Variants in ACACA observed in about 807,000 individuals in gnomAD.
The protein encoded by ACACA is acetyl-CoA carboxylase 1.
ACACA carries 103 observed loss-of-function variants against 296.1 expected under a neutral mutation model. The observed-to-expected ratio is 0.35, with a 90% CI of 0.30 to 0.41. ACACA has a LOEUF of 0.41. Ranked by LOEUF, ACACA falls within the 10% of genes least tolerant of loss-of-function variation. The pLI, the probability that ACACA is intolerant of heterozygous loss-of-function variation, is 1.00. For missense variants in ACACA, 1,554 were observed against 2,989.7 expected (o/e 0.52, Z 11.20); for synonymous variants, 953 against 1,038.6 (o/e 0.92, Z 1.58).
chr17:37,377,870 C>A (rs748569828), intron 1 of ACACA: 113 of 1,605,792 alleles, frequency 7.0e-5, no homozygotes, highest in East Asian at 1.8e-4. Context: ...CCCCTCTGCT[C>A]ACCCCCAGAC....
chr17:37,086,831 G>A lies in ACACA; in HGVS notation c.*485C>T, dbSNP rs751985413. On this transcript the variant is annotated 3_prime_UTR_variant, in exon 56 of 56. Coordinates refer to ENST00000616317, the MANE Select transcript of ACACA (RefSeq NM_198834.3). ...CCTACTGTGTGCTGGGCTAAGAGTC[G>A]GGGTAATAAACAATGGACTTGAGGC... The A allele has an allele frequency of 1.4e-5, 3 of 217,712 alleles. No homozygotes were observed. Among genetic ancestry groups the A allele is most frequent in the Admixed American group, 5.2e-5 (1 of 19,310 alleles). 13.5% of individuals were successfully genotyped at this position (217,712 alleles called of 1,614,324 possible). A position where few individuals can be genotyped will look rare whatever the true frequency, so the allele number is the denominator to read the frequency against.
rs1218895976 is a variant in ACACA at position 37,097,350 on chromosome 17, C to T, written c.6721-184G>A. 6.6e-6 allele frequency among the ~76,000 whole-genome samples: 1 copy of T among 152,202 alleles called. No individual in the cohort carries two copies. Among genetic ancestry groups the T allele is most frequent in the Non-Finnish European group, 1.5e-5 (1 of 68,040 alleles). On this transcript the variant is annotated intron_variant, in intron 53 of 55. Transcript: ENST00000616317. This position sits in a 1 kb window ranked among gnomAD's most constrained non-coding sequence, Gnocchi z 4.8. ...GCAGAAATGCAGCCCACATGCCCTGCTGTCTGCAGCACTGTGCACAGCCAT... is the reference window on the plus strand; with the variant it reads ...GCAGAAATGCAGCCCACATGCCCTGTTGTCTGCAGCACTGTGCACAGCCAT...
At chr17:37,204,159 C>G (rs1175353308) in intron 33 of ACACA, among the ~76,000 whole-genome samples, 1 of 152,214 alleles carries the variant, frequency 6.6e-6, no homozygotes, top group Non-Finnish European at 1.5e-5. Context: ...GTGCTGTCCA[C>G]TCCAAGAGAA....
chr17:37,268,735 ATC>A (rs1270269092), intron 10 of ACACA, among the ~76,000 whole-genome samples: 765 of 73,278 alleles, frequency 0.01, 8 homozygotes, highest in African/African-American at 0.039. Flanking sequence ...CTATCTATCT[ATC>A]TATCTATATA....
chr17:37,291,511 T>TTGTGTTGGGCCTCATCCAAAGC (rs2083066824), intron 3 of ACACA, among the ~76,000 whole-genome samples: 2 of 152,080 alleles, frequency 1.3e-5, no homozygotes, highest in South Asian at 4.1e-4. Context: ...GTTTATGAAT[T>TTGTGTTGGGCCTCATCCAAAGC]TGTGTTGGGC....
chr17:37,375,692 C>T (rs2049974346), intron 1 of ACACA, among the ~76,000 whole-genome samples: 2 of 152,186 alleles, frequency 1.3e-5, no homozygotes, highest in Admixed American at 1.3e-4. Flanking sequence ...GAAATCTCCA[C>T]ATCTTTTCAT....
intron 3 of ACACA, among the ~76,000 whole-genome samples, chr17:37,326,519 G>A (rs563937097): frequency 9.4e-5 from 14 of 148,350 alleles, no homozygotes; most frequent in South Asian, 2.1e-4. Context: ...TAACAAGAGC[G>A]AAACTCCGTC....
chr17:37,368,341 G>A (rs2049683861), intron 1 of ACACA, among the ~76,000 whole-genome samples: 3 of 152,042 alleles, frequency 2.0e-5, no homozygotes, highest in Non-Finnish European at 4.4e-5. Flanking sequence ...AGAACTTTGG[G>A]AGGCCAAGGT....
chr17:37,393,226 T>G (rs2050957511), intron 1 of ACACA, among the ~76,000 whole-genome samples: 1 of 151,838 alleles, frequency 6.6e-6, no homozygotes, highest in Non-Finnish European at 1.5e-5. Flanking sequence ...GAAAGAGCAC[T>G]GAGGTTGGCA....
At chr17:37,168,225 G>C (rs2076756239) in intron 41 of ACACA, among the ~76,000 whole-genome samples, 1 of 152,164 alleles carries the variant, frequency 6.6e-6, no homozygotes, top group East Asian at 1.9e-4. Context: ...CTGGTATATA[G>C]TAAGTGCATA....
intron 7 of ACACA, among the ~76,000 whole-genome samples, chr17:37,276,324 T>G (rs1022746114): frequency 5.3e-5 from 8 of 152,232 alleles, no homozygotes; most frequent in Non-Finnish European, 1.2e-4. Flanking sequence ...AGCTATAATG[T>G]TATCATTCTT....
Position 37,330,432 on chromosome 17 carries a change from A to C in ACACA, c.86-7T>G, listed in dbSNP as rs1309881242. 1 of 1,614,048 alleles carries C rather than the reference A, an allele frequency of 6.2e-7. No homozygotes were observed. The highest frequency in any genetic ancestry group is 1.3e-5 in the African/African-American group (1 of 74,938). On this transcript the variant is annotated splice_region_variant and splice_polypyrimidine_tract_variant and intron_variant, in intron 2 of 55. Coordinates refer to ENST00000616317, the MANE Select transcript of ACACA (RefSeq NM_198834.3). ...CCAAAATGAGCTCTTACAGCTATGG[A>C]GAAAATGAAAAGTGAGAAAGGCAGG...
chr17:37,311,137 G>C (rs1037338054), intron 3 of ACACA, among the ~76,000 whole-genome samples: 5 of 152,224 alleles, frequency 3.3e-5, no homozygotes, highest in Non-Finnish European at 7.3e-5. Context: ...TAGTTGGGCA[G>C]AGGACAGAAC....
chr17:37,153,369 T>G (rs1257962920), intron 43 of ACACA, among the ~76,000 whole-genome samples: 4 of 152,198 alleles, frequency 2.6e-5, no homozygotes, highest in Non-Finnish European at 5.9e-5. Context: ...TTTAAATTTT[T>G]GAGAGAAGCA....
chr17:37,216,277 T>C (rs1287173291), intron 29 of ACACA, among the ~76,000 whole-genome samples: 9 of 151,310 alleles, frequency 5.9e-5, no homozygotes, highest in Non-Finnish European at 1.2e-4. Flanking sequence ...GCTGTTCAAG[T>C]GAAGGAAATT....
At chr17:37,281,058 CTT>C (rs34828277) in intron 5 of ACACA, among the ~76,000 whole-genome samples, 6 of 136,874 alleles carry the variant, frequency 4.4e-5, no homozygotes, top group South Asian at 2.3e-4. Context: ...GTCTTTCTCT[CTT>C]TTTTTTTTTT....
At chr17:37,095,764 A>AT (rs2072948238) in intron 54 of ACACA, among the ~76,000 whole-genome samples, 1 of 152,278 alleles carries the variant, frequency 6.6e-6, no homozygotes, top group Non-Finnish European at 1.5e-5. Flanking sequence ...TCCATATATT[A>AT]ATTACTAATA....
intron 1 of ACACA, among the ~76,000 whole-genome samples, chr17:37,342,676 G>A (rs1270490946): frequency 2.6e-5 from 4 of 151,530 alleles, no homozygotes; most frequent in African/African-American, 7.3e-5. Context: ...CAGGAGTGGT[G>A]GCTCATGCCT....
chr17:37,258,371 A>G lies in ACACA; in HGVS notation c.1503T>C (p.Ile501=). The part of the protein sequence containing the change: ...DVNLPAAQLQ[I]AMGIPLYRIK... ...TTCTATATAGAGGAATCCCCATGGC[A>G]ATCTGAAAGGTAATAAAACACACAT... Residue 501 remains isoleucine, a splice_region_variant and synonymous_variant, in exon 13 of 56, where the codon ATT becomes ATC. Transcript: ENST00000616317. The G allele has an allele frequency of 6.2e-7, 1 of 1,613,998 alleles. No homozygotes were observed. The highest frequency in any genetic ancestry group is 8.5e-7 in the Non-Finnish European group (1 of 1,179,882).
Sources: gnomAD v4.1 joint callset for allele counts (sites outside exome capture counted in the v4.1 genomes callset) on GRCh38, gnomAD v4.1.1 for gene constraint, Gnocchi (gnomAD v3.1) non-coding constraint, MANE v1.5 for transcripts, NCBI Gene and HGNC (gene_info 2026-07-23, HGNC 2026-07-21) for gene names.